The following UTS2 variants were observed in gnomAD, a reference collection of about 807,000 sequenced individuals.
The protein encoded by UTS2 is urotensin 2, also known as urotensin-2.
Under a neutral mutation model 12.6 loss-of-function variants are expected in UTS2, and 10 were observed. The observed-to-expected ratio is 0.80, with a 90% CI of 0.49 to 1.35. The LOEUF (loss-of-function observed/expected upper bound fraction) is 1.35, where lower values mean the gene tolerates loss of function less well. Among genes scored for constraint, UTS2 ranks in the 40% most tolerant of loss-of-function variants. UTS2 has a pLI of 0.00. For synonymous variants in UTS2, 52 were observed against 50.0 expected (o/e 1.04, Z -0.17); for missense variants, 142 against 143.2 (o/e 0.99, Z 0.04).
upstream of UTS2, chr1:7,853,287 T>C: frequency 1.2e-6 from 2 of 1,613,962 alleles, no homozygotes; most frequent in South Asian, 1.1e-5. Context: ...TTTATAAATC[T>C]GGCAAAAGAG....
the UTS2 span, among the ~76,000 whole-genome samples, chr1:7,910,064 T>TG: frequency 6.6e-6 from 1 of 152,148 alleles, no homozygotes. Context: ...TTTGTAAAGC[T>TG]TAATATATGA....
chr1:7,853,199 A>T, upstream of UTS2: 2 of 1,537,152 alleles, frequency 1.3e-6, no homozygotes, highest in Non-Finnish European at 1.8e-6. Flanking sequence ...TAATTTTTCA[A>T]GGTAACAAGT....
At chr1:7,887,955 G>A in the UTS2 span, among the ~76,000 whole-genome samples, 2 of 152,084 alleles carry the variant, frequency 1.3e-5, no homozygotes, top group Non-Finnish European at 2.9e-5. Flanking sequence ...AGCACAAGGA[G>A]CTCTTTCCAA....
At chr1:7,863,727 A>G in the UTS2 span, among the ~76,000 whole-genome samples, 4 of 152,194 alleles carry the variant, frequency 2.6e-5, no homozygotes, top group African/African-American at 9.6e-5. Context: ...TCCAGCCCAA[A>G]TTTAACGTCT....
At chr1:7,871,798 A>T in the UTS2 span, among the ~76,000 whole-genome samples, 1 of 152,166 alleles carries the variant, frequency 6.6e-6, no homozygotes, top group Admixed American at 6.5e-5. Flanking sequence ...AACAGTGCCC[A>T]TATAAGACAG....
the UTS2 span, among the ~76,000 whole-genome samples, chr1:7,908,309 A>AAG: frequency 6.6e-6 from 1 of 151,312 alleles, no homozygotes; most frequent in African/African-American, 2.4e-5. Context: ...AAAAAAAAAA[A>AAG]AAAAAAGTTA....
chr1:7,906,495 G>GAAAGAAA, the UTS2 span, among the ~76,000 whole-genome samples: 1 of 126,750 alleles, frequency 7.9e-6, no homozygotes, highest in Non-Finnish European at 1.7e-5. Flanking sequence ...AAGAAAGAAA[G>GAAAGAAA]AAAGAAAGAA....
the UTS2 span, among the ~76,000 whole-genome samples, chr1:7,876,472 CTGTTATCATCAA>C: frequency 2.0e-5 from 3 of 152,212 alleles, no homozygotes; most frequent in Non-Finnish European, 4.4e-5. Flanking sequence ...ACCACCAGTA[CTGTTATCATCAA>C]TGCTATGCAA....
chr1:7,867,897 T>C, the UTS2 span, among the ~76,000 whole-genome samples: 2 of 151,942 alleles, frequency 1.3e-5, no homozygotes, highest in African/African-American at 2.4e-5. Context: ...AATAAATAAA[T>C]AAACCTGGAA....
chr1:7,874,539 C>T, the UTS2 span, among the ~76,000 whole-genome samples: 1 of 152,168 alleles, frequency 6.6e-6, no homozygotes, highest in African/African-American at 2.4e-5. Context: ...TGTCCTATAA[C>T]CTGGGAATGG....
intron 1 of UTS2, among the ~76,000 whole-genome samples, chr1:7,852,495 G>C (rs899861385): frequency 4.6e-5 from 5 of 109,794 alleles, no homozygotes; most frequent in African/African-American, 1.3e-4. Flanking sequence ...TTAAACAAAA[G>C]GTGAAACAAA....
At chr1:7,853,996 G>A (rs1470500388), upstream of UTS2, among the ~76,000 whole-genome samples, 1 of 152,212 alleles carries the variant, frequency 6.6e-6, no homozygotes, top group Non-Finnish European at 1.5e-5. Flanking sequence ...TTGAGAGGCC[G>A]AGGCAGGAGG....
the UTS2 span, among the ~76,000 whole-genome samples, chr1:7,883,482 GTTACA>G: frequency 6.6e-6 from 1 of 152,030 alleles, no homozygotes; most frequent in African/African-American, 2.4e-5. Flanking sequence ...TGTAACTATG[GTTACA>G]TTACATGTTA....
chr1:7,847,780 T>G lies in UTS2; in HGVS notation c.361A>C (p.Lys121Gln). 3 of 1,612,664 alleles carry G rather than the reference T, an allele frequency of 1.9e-6. No individual in the cohort carries two copies. The highest frequency in any genetic ancestry group is 2.5e-6 in the Non-Finnish European group (3 of 1,179,072). ...KKRETPDCFW[K>Q]YCV is the part of the protein sequence containing the mutation. The stretch of plus-strand genomic sequence containing the variant: ...CTTATTTCACTTCAGACACAGTATT[T>G]CCAGAAGCAATCAGGAGTCTCACGT... The change falls in exon 4 of 4, where the codon AAA becomes CAA. Residue 121 changes from lysine (K) to glutamine (Q), a missense_variant. Transcript: ENST00000361696.
chr1:7,857,296 T>C (rs940807606), upstream of UTS2, among the ~76,000 whole-genome samples: 1 of 152,122 alleles, frequency 6.6e-6, no homozygotes. Flanking sequence ...CTACTCACCC[T>C]TGCTCTCCCC....
chr1:7,855,336 C>G (rs978514270), upstream of UTS2, among the ~76,000 whole-genome samples: 2 of 152,152 alleles, frequency 1.3e-5, no homozygotes, highest in African/African-American at 4.8e-5. Flanking sequence ...ATAATCCCAG[C>G]ATTTTGGGAG....
At chr1:7,874,796 A>G in the UTS2 span, among the ~76,000 whole-genome samples, 1 of 152,198 alleles carries the variant, frequency 6.6e-6, no homozygotes, top group Non-Finnish European at 1.5e-5. Context: ...AGGTCATTGG[A>G]TTACAGGGGC....
chr1:7,853,958 G>A (rs932361605), upstream of UTS2, among the ~76,000 whole-genome samples: 3 of 152,188 alleles, frequency 2.0e-5, no homozygotes, highest in Non-Finnish European at 2.9e-5. Flanking sequence ...GGCCAGGCAC[G>A]GTGGCTCATG....
At chr1:7,878,849 G>A in the UTS2 span, among the ~76,000 whole-genome samples, 158 of 152,280 alleles carry the variant, frequency 1.0e-3, 1 homozygote, top group African/African-American at 3.5e-3. Context: ...AATGGAAACC[G>A]AAAGAGCCAG....
Sources: allele counts gnomAD v4.1 joint callset (sites outside exome capture counted in the v4.1 genomes callset), GRCh38; gene constraint gnomAD v4.1.1; transcripts MANE v1.5; gene names NCBI Gene and HGNC (gene_info 2026-07-23, HGNC 2026-07-21).